Variants in PCNX2 observed in about 807,000 individuals in gnomAD.
The protein encoded by PCNX2 is pecanex-like protein 2.
In PCNX2, 168 loss-of-function variants were observed where a neutral mutation model predicts 223.8. The ratio of observed to expected loss-of-function variants is 0.75; its 90% CI spans 0.66 to 0.85. The LOEUF is 0.85. Among genes scored for constraint, PCNX2 ranks in the 40% least tolerant of loss-of-function variants. The pLI is 0.00. For missense variants in PCNX2, 2,507 were observed against 2,675.5 expected (o/e 0.94, Z 1.39); for synonymous variants, 1,006 against 1,052.6 (o/e 0.96, Z 0.86).
At chr1:233,200,383 CTTTTTTT>C (rs1011802481) in intron 13 of PCNX2, 119 bp from the exon 14 acceptor site, 25 of 210,908 alleles carry the variant, frequency 1.2e-4, no homozygotes, top group South Asian at 2.3e-4. Flanking sequence ...TGGAGGCAAT[CTTTTTTT>C]TTTTTTTTTT....
At chr1:233,230,698 T>C (rs1572117858) in intron 9 of PCNX2, among the ~76,000 whole-genome samples, 1 of 152,304 alleles carries the variant, frequency 6.6e-6, no homozygotes, top group East Asian at 1.9e-4. Flanking sequence ...TAGGTTCTTT[T>C]TAAAAAACAA....
At chr1:233,022,849 C>T (rs1336718592) in intron 26 of PCNX2, among the ~76,000 whole-genome samples, 2 of 151,982 alleles carry the variant, frequency 1.3e-5, no homozygotes, top group Non-Finnish European at 2.9e-5. Flanking sequence ...AGGCTTGTGC[C>T]ACCACATCCA....
chr1:233,034,017 TC>T (rs1482568841), intron 25 of PCNX2, among the ~76,000 whole-genome samples: 4 of 152,010 alleles, frequency 2.6e-5, no homozygotes, highest in African/African-American at 9.7e-5. Flanking sequence ...ATCGAGACCA[TC>T]CTGGCCAACA....
At chr1:233,059,053 T>G (rs1449466272) in intron 23 of PCNX2, among the ~76,000 whole-genome samples, 2 of 152,140 alleles carry the variant, frequency 1.3e-5, no homozygotes, top group African/African-American at 4.8e-5. Context: ...TGCCCAGACC[T>G]CTTAGTCCTG....
chr1:233,250,888 G>A (rs754815307), intron 7 of PCNX2, 56 bp from the exon 8 acceptor site: 52 of 1,496,178 alleles, frequency 3.5e-5, no homozygotes, highest in East Asian at 4.9e-5. Context: ...ATATAGAATC[G>A]TTTCAACTTA....
intron 23 of PCNX2, among the ~76,000 whole-genome samples, chr1:233,066,730 A>G (rs1672626217): frequency 6.6e-6 from 1 of 152,190 alleles, no homozygotes; most frequent in Non-Finnish European, 1.5e-5. Flanking sequence ...GTGGCCTCCC[A>G]AAGAATCCTG....
intron 10 of PCNX2, among the ~76,000 whole-genome samples, chr1:233,226,199 C>T (rs542784945): frequency 6.6e-6 from 1 of 152,268 alleles, no homozygotes; most frequent in African/African-American, 2.4e-5. Context: ...CTGTTATGTG[C>T]AAATTTTGAG....
At chr1:233,074,464 G>C (rs1258367150) in intron 23 of PCNX2, among the ~76,000 whole-genome samples, 1 of 150,664 alleles carries the variant, frequency 6.6e-6, no homozygotes, top group South Asian at 2.1e-4. Context: ...GCGTAGTGGC[G>C]GGCGCCTGTA....
chr1:233,149,628 C>G (rs531091880), intron 19 of PCNX2, among the ~76,000 whole-genome samples: 4 of 152,128 alleles, frequency 2.6e-5, no homozygotes, highest in Non-Finnish European at 4.4e-5. Flanking sequence ...TGGGTCAAAT[C>G]TCAGCTATCA....
the PCNX2 span, among the ~76,000 whole-genome samples, chr1:233,319,235 A>G: frequency 6.6e-6 from 1 of 151,982 alleles, no homozygotes; most frequent in African/African-American, 2.4e-5. Flanking sequence ...ACACCCCCCC[A>G]TGGTTTTGAA....
chr1:233,076,297 T>C (rs1163325159), intron 23 of PCNX2, among the ~76,000 whole-genome samples: 1 of 152,214 alleles, frequency 6.6e-6, no homozygotes, highest in Admixed American at 6.5e-5. Context: ...ACCTGTGGTG[T>C]ATACAGGATT....
intron 27 of PCNX2, among the ~76,000 whole-genome samples, chr1:233,015,275 G>A (rs901020770): frequency 1.7e-4 from 26 of 152,166 alleles, no homozygotes; most frequent in African/African-American, 5.5e-4. Flanking sequence ...CTTTTAGCTC[G>A]GGCATGGTGG....
At chr1:233,105,350 A>G (rs1165308607) in intron 21 of PCNX2, among the ~76,000 whole-genome samples, 2 of 152,208 alleles carry the variant, frequency 1.3e-5, no homozygotes, top group East Asian at 1.9e-4. Flanking sequence ...TAAATTCAAC[A>G]CCCATTCATA....
At chr1:233,196,374 A>G (rs899794030) in intron 15 of PCNX2, among the ~76,000 whole-genome samples, 1 of 152,102 alleles carries the variant, frequency 6.6e-6, no homozygotes, top group Admixed American at 6.5e-5. Flanking sequence ...ATTGGACTTC[A>G]TTGTAACTAA....
the PCNX2 span, among the ~76,000 whole-genome samples, chr1:233,306,618 A>G: frequency 6.6e-6 from 1 of 152,256 alleles, no homozygotes; most frequent in Non-Finnish European, 1.5e-5. Context: ...AAATGGCTGA[A>G]TTGTATGGCA....
rs764518873 is a variant in PCNX2, at chr1:233,252,395, T to C, written c.2087A>G (p.Glu696Gly). The change falls in exon 7 of 34, where the codon GAG (glutamate) becomes GGG (glycine). Residue 696 changes from glutamate (E) to glycine (G), a missense_variant. Physicochemically the swap from Glu to Gly is moderately conservative, Grantham distance 98 (BLOSUM62 -2). This residue lies in a region of PCNX2 where 1,031 missense variants were observed against 1,021.7 expected (regional missense o/e 1.01). Transcript: ENST00000258229. ...ISGPETSVQE[E>G]ISVDAMHVFI... is the part of the protein sequence containing the mutation. ...GACATGCATAGCATCCACAGATATC[T>C]CTTCTTGTACAGATGTTTCAGGCCC... The C allele has an allele frequency of 4.3e-5, 70 of 1,612,672 alleles. No individual in the cohort carries two copies. Among genetic ancestry groups the C allele is most frequent in the Non-Finnish European group, 5.8e-5 (68 of 1,178,954 alleles).
rs545177922 is a variant in PCNX2 at position 233,208,612 on chromosome 1, T to C, written c.2769A>G (p.Thr923=). ...TGGGAGGGTGCCTGGCTTTGGCCCC[T>C]GTATCAAGAAGCAAAATAAGGCCAC... The part of the protein sequence containing the change: ...VLCGLILLLD[T]GAKARHPPSY... The change falls in exon 13 of 34, where the codon ACA becomes ACG. Residue 923 remains threonine, a synonymous_variant. Transcript: ENST00000258229. 8.7e-6 allele frequency: 14 copies of C among 1,613,808 alleles called. No homozygotes were observed. Among genetic ancestry groups the C allele is most frequent in the African/African-American group, 2.7e-5 (2 of 74,980 alleles).
At chr1:232,987,950 C>T (rs537801442) in intron 32 of PCNX2, among the ~76,000 whole-genome samples, 304 of 152,326 alleles carry the variant, frequency 2.0e-3, no homozygotes, top group African/African-American at 7.1e-3. Context: ...TTCCGCAGGA[C>T]GGGGCTGCCC....
intron 17 of PCNX2, chr1:233,172,645 G>C (rs1196343638): frequency 3.1e-5 from 23 of 738,676 alleles, no homozygotes; most frequent in Admixed American, 6.3e-5. Context: ...TGAAAAACAA[G>C]GCTTAAGGTC....
Sources: allele counts gnomAD v4.1 joint callset (sites outside exome capture counted in the v4.1 genomes callset), GRCh38; gene constraint gnomAD v4.1.1; regional missense constraint gnomAD v4.1.1; transcripts MANE v1.5; gene names NCBI Gene and HGNC (gene_info 2026-07-23, HGNC 2026-07-21).